The following SEMA3A variants were observed in gnomAD, a reference collection of about 807,000 sequenced individuals.
SEMA3A encodes the protein semaphorin-3A.
In SEMA3A, 29 loss-of-function variants were observed where a neutral mutation model predicts 97.9. The ratio of observed to expected loss-of-function variants is 0.30; its 90% CI spans 0.22 to 0.40. The LOEUF (loss-of-function observed/expected upper bound fraction) is 0.40, where lower values mean the gene tolerates loss of function less well. Among genes scored for constraint, SEMA3A ranks in the 10% least tolerant of loss-of-function variants. The pLI, the probability that SEMA3A is intolerant of heterozygous loss-of-function variation, is 1.00. For synonymous variants in SEMA3A, 321 were observed against 323.7 expected (o/e 0.99, Z 0.09); for missense variants, 763 against 951.3 (o/e 0.80, Z 2.60).
In SEMA3A at chr7:83,963,303, C is replaced by T. The variant is rs754942801; in HGVS notation, c.1762G>A (p.Val588Ile). The change falls in exon 16 of 17, where the codon GTA becomes ATA. Residue 588 changes from valine to isoleucine, a missense_variant. Physicochemically the swap from Val to Ile is conservative, Grantham distance 29. Coordinates refer to ENST00000265362, the MANE Select transcript of SEMA3A (RefSeq NM_006080.3). ...HSPEERIIYGVENSSTFLECS... is the reference protein window; with the variant it reads ...HSPEERIIYGIENSSTFLECS... ...TCCAAAAATGTGCTACTATTCTCTA[C>T]ACCATAGATGATTCTCTCTTCAGGG... 1.9e-6 allele frequency: 3 copies of T among 1,613,648 alleles called. No homozygotes were observed. In the African/African-American group the frequency reaches 4.0e-5, roughly 22 times the overall value.
rs71078831 is a variant in SEMA3A at position 84,443,880 on chromosome 7, C to CTTTTTTT, written c.-246+48573_-246+48579dup. Among the ~76,000 whole-genome samples, 21 of 92,422 alleles carry CTTTTTTT rather than the reference C, an allele frequency of 2.3e-4. 1 individual carries two copies. The highest frequency in any genetic ancestry group is 3.0e-4 in the Non-Finnish European group (14 of 47,126). The allele number at this position is 92,422 out of a possible 152,430, so 60.6% of individuals were successfully genotyped here. On this transcript the variant is annotated intron_variant, in intron 1 of 3. Coordinates refer to the SEMA3A transcript ENST00000424555. ...GTAGCCATTTTGATTGTGCTTTGTC[C>CTTTTTTT]TTTTTTTTTTTTTTTTTTTTTTTTG... is the stretch of plus-strand genomic sequence containing the variant.
chr7:84,024,626 A>G lies in SEMA3A; in HGVS notation c.668-10275T>C, dbSNP rs555179428. 1.7e-3 allele frequency among the ~76,000 whole-genome samples: 255 copies of G among 152,324 alleles called. 2 individuals are homozygous for G. The highest frequency in any genetic ancestry group is 2.3e-3 in the Non-Finnish European group (159 of 68,034). Reference sequence around the variant, plus strand: ...CAGTTACTTGACTATCAGAAAGTACATATCTTTGAGGAGTGTTGGGAGAAT... The same window carrying G: ...CAGTTACTTGACTATCAGAAAGTACGTATCTTTGAGGAGTGTTGGGAGAAT... On this transcript the variant is annotated intron_variant, in intron 6 of 16. Coordinates refer to ENST00000265362, the MANE Select transcript of SEMA3A (RefSeq NM_006080.3).
chr7:84,031,900 T>G (rs1791772048), intron 6 of SEMA3A, among the ~76,000 whole-genome samples: 1 of 152,166 alleles, frequency 6.6e-6, no homozygotes, highest in Admixed American at 6.5e-5. Flanking sequence ...TTATGCTTTC[T>G]TTCCTCTGAA....
At chr7:84,265,087 GA>G (rs1299829398) in intron 3 of SEMA3A, among the ~76,000 whole-genome samples, 1 of 152,014 alleles carries the variant, frequency 6.6e-6, no homozygotes, top group African/African-American at 2.4e-5. Context: ...GTTTTGTTTA[GA>G]ATTTTCAAAA....
chr7:84,237,686 T>C (rs1435446727), intron 3 of SEMA3A, among the ~76,000 whole-genome samples: 1 of 152,118 alleles, frequency 6.6e-6, no homozygotes, highest in African/African-American at 2.4e-5. Flanking sequence ...GGGTGATTCA[T>C]GAAATCACTG....
At chr7:84,181,490 A>G (rs2116237450) in intron 1 of SEMA3A, among the ~76,000 whole-genome samples, 1 of 152,146 alleles carries the variant, frequency 6.6e-6, no homozygotes, top group East Asian at 1.9e-4. Context: ...TCAGAGATAG[A>G]CTGACGTAAT....
intron 6 of SEMA3A, among the ~76,000 whole-genome samples, chr7:84,034,914 C>T (rs1466280895): frequency 6.6e-6 from 1 of 152,056 alleles, no homozygotes; most frequent in Non-Finnish European, 1.5e-5. Context: ...CACGTTTCCT[C>T]TCATTTTATT....
At chr7:84,472,825 A>G (rs1806186859) in intron 1 of SEMA3A, among the ~76,000 whole-genome samples, 2 of 152,292 alleles carry the variant, frequency 1.3e-5, no homozygotes, top group Middle Eastern at 3.4e-3. Context: ...AGGAAAAATA[A>G]CATTCAAACA....
At chr7:84,446,483 G>A (rs560614865) in intron 1 of SEMA3A, among the ~76,000 whole-genome samples, 9 of 152,014 alleles carry the variant, frequency 5.9e-5, no homozygotes, top group African/African-American at 1.4e-4. Flanking sequence ...CAACTAAGAG[G>A]AATTTATTCT....
intron 1 of SEMA3A, among the ~76,000 whole-genome samples, chr7:84,150,683 A>C (rs1211783579): frequency 6.6e-6 from 1 of 152,150 alleles, no homozygotes; most frequent in African/African-American, 2.4e-5. Flanking sequence ...GCCATTGCCC[A>C]GGCTTGATTA....
chr7:84,471,835 T>C (rs1045894567), intron 1 of SEMA3A, among the ~76,000 whole-genome samples: 2 of 152,078 alleles, frequency 1.3e-5, no homozygotes, highest in Non-Finnish European at 2.9e-5. Context: ...GGAAATCTTT[T>C]TTTAGATCCC....
At chr7:84,013,017 T>G (rs1445601294) in intron 7 of SEMA3A, among the ~76,000 whole-genome samples, 1 of 152,166 alleles carries the variant, frequency 6.6e-6, no homozygotes, top group Non-Finnish European at 1.5e-5. Flanking sequence ...ACTTTTAATT[T>G]TTCAGTAATT....
intron 2 of SEMA3A, among the ~76,000 whole-genome samples, chr7:84,363,296 A>T (rs1344427938): frequency 6.6e-6 from 1 of 151,934 alleles, no homozygotes; most frequent in Non-Finnish European, 1.5e-5. Context: ...CCTGAGAGAA[A>T]ACAGTTCAGT....
chr7:84,464,830 A>G (rs1232017442), intron 1 of SEMA3A, among the ~76,000 whole-genome samples: 6 of 152,206 alleles, frequency 3.9e-5, no homozygotes, highest in Non-Finnish European at 8.8e-5. Context: ...TAAACTTTTC[A>G]TAATATAGTC....
At chr7:84,341,436 T>A (rs1802165131) in intron 2 of SEMA3A, among the ~76,000 whole-genome samples, 1 of 150,790 alleles carries the variant, frequency 6.6e-6, no homozygotes, top group Non-Finnish European at 1.5e-5. Context: ...TTAAGATAAT[T>A]TTTTTCTAAA....
intron 12 of SEMA3A, among the ~76,000 whole-genome samples, chr7:83,996,940 A>G (rs1402815225): frequency 6.6e-6 from 1 of 152,148 alleles, no homozygotes; most frequent in Non-Finnish European, 1.5e-5. Flanking sequence ...TTTTCTTTCT[A>G]TACTCTGATC....
chr7:84,334,560 C>T (rs575937838), intron 2 of SEMA3A, among the ~76,000 whole-genome samples: 5 of 152,196 alleles, frequency 3.3e-5, no homozygotes, highest in Admixed American at 3.3e-4. Flanking sequence ...CAATTTTCCT[C>T]CTTGCTTCCT....
chr7:84,140,223 T>C (rs1329133596), intron 1 of SEMA3A, among the ~76,000 whole-genome samples: 1 of 152,140 alleles, frequency 6.6e-6, no homozygotes, highest in East Asian at 1.9e-4. Flanking sequence ...TGTTGTGTTC[T>C]GATTTTCTTT....
chr7:84,411,006 T>C (rs548885386), intron 1 of SEMA3A, among the ~76,000 whole-genome samples: 1 of 152,252 alleles, frequency 6.6e-6, no homozygotes, highest in East Asian at 1.9e-4. Flanking sequence ...AGGTTTAAGA[T>C]AGAGGAATAT....
Sources: gnomAD v4.1 joint callset for allele counts (sites outside exome capture counted in the v4.1 genomes callset) on GRCh38, gnomAD v4.1.1 for gene constraint, MANE v1.5 for transcripts, NCBI Gene and HGNC (gene_info 2026-07-23, HGNC 2026-07-21) for gene names.